The following NTNG2 variants were observed in gnomAD, a reference collection of about 807,000 sequenced individuals.
NTNG2 encodes netrin G2, also known as netrin-G2.
A neutral mutation model predicts 47.6 loss-of-function variants in NTNG2; 15 were observed. The observed-to-expected ratio is 0.32, with a 90% CI of 0.21 to 0.49. The LOEUF is 0.49. Among genes scored for constraint, NTNG2 ranks in the 20% least tolerant of loss-of-function variants. The pLI, the probability that NTNG2 is intolerant of heterozygous loss-of-function variation, is 0.99. For missense variants in NTNG2, 578 were observed against 764.6 expected (o/e 0.76, Z 2.88); for synonymous variants, 307 against 324.6 (o/e 0.95, Z 0.58).
chr9:132,241,579 A>G, intron 7 of NTNG2: 1 of 411,934 alleles, frequency 2.4e-6, no homozygotes. Flanking sequence ...AGGAGGCTCC[A>G]GGCGCGTGGA....
chr9:132,239,641 G>T (rs555561962), intron 6 of NTNG2, among the ~76,000 whole-genome samples: 2 of 116,430 alleles, frequency 1.7e-5, no homozygotes, highest in African/African-American at 3.0e-5. Context: ...GCTGGTGTGT[G>T]GGGGGGTCCC....
At chr9:132,228,864 G>T (rs1460665238) in intron 4 of NTNG2, among the ~76,000 whole-genome samples, 1 of 152,112 alleles carries the variant, frequency 6.6e-6, no homozygotes, top group African/African-American at 2.4e-5. Flanking sequence ...GGCCATGTCT[G>T]GCTTTTTTCT....
intron 2 of NTNG2, among the ~76,000 whole-genome samples, chr9:132,181,686 T>C (rs944393066): frequency 4.6e-5 from 7 of 152,244 alleles, no homozygotes; most frequent in African/African-American, 1.4e-4. Flanking sequence ...GAGTGCCTCA[T>C]GTATACCAAG....
intron 3 of NTNG2, among the ~76,000 whole-genome samples, chr9:132,219,082 T>G (rs137987426): frequency 0.012 from 1,753 of 151,974 alleles, 23 homozygotes; most frequent in Non-Finnish European, 0.017. Flanking sequence ...CCGGGTGTGG[T>G]GGCACACGCC....
rs562378642 is a variant in NTNG2 at position 132,221,445 on chromosome 9, T to A, written c.858-5404T>A. 1.8e-4 allele frequency among the ~76,000 whole-genome samples: 28 copies of A among 152,232 alleles called. No individual in the cohort carries two copies. The highest frequency in any genetic ancestry group is 6.0e-4 in the African/African-American group (25 of 41,528). On this transcript the variant is annotated intron_variant, in intron 3 of 7. Transcript: ENST00000393229. The surrounding 1 kb of genome is among the most constrained non-coding windows in gnomAD (Gnocchi z 4.2). ...GACACAGAGGCAGTACCACCCACAG[T>A]GACCTGCAAAAGTCAGAGAGACCAG...
intron 3 of NTNG2, among the ~76,000 whole-genome samples, chr9:132,203,250 G>T (rs1057150266): frequency 5.3e-5 from 8 of 152,262 alleles, no homozygotes; most frequent in Non-Finnish European, 1.2e-4. Context: ...TGAGGCAGAA[G>T]GATTATTTGA....
Position 132,216,414 on chromosome 9 carries a change from CTGTGTGTGTG to C in NTNG2, c.858-10431_858-10422del, listed in dbSNP as rs1177821281. The stretch of plus-strand genomic sequence containing the variant: ...TCTCTCTCTCTCTCTCTCTCTCTCT[CTGTGTGTGTG>C]TGTATGTGTGTGTGTGTGTGTGTGT... On this transcript the variant is annotated intron_variant, in intron 3 of 7. Transcript: ENST00000393229. Among the ~76,000 whole-genome samples the C allele has an allele frequency of 9.1e-3, 1,008 of 110,180 alleles. 7 individuals carry two copies. Among genetic ancestry groups the C allele is most frequent in the Middle Eastern group, 0.02 (4 of 204 alleles). 72.3% of individuals were successfully genotyped at this position (110,180 alleles called of 152,430 possible).
intron 2 of NTNG2, among the ~76,000 whole-genome samples, chr9:132,174,865 T>C (rs189389777): frequency 1.1e-4 from 16 of 151,056 alleles, no homozygotes; most frequent in Non-Finnish European, 1.8e-4. Context: ...GGGTTTGTAG[T>C]GAACTGAGAT....
intron 2 of NTNG2, among the ~76,000 whole-genome samples, chr9:132,183,985 A>G (rs1222425314): frequency 2.6e-5 from 4 of 152,158 alleles, no homozygotes; most frequent in Non-Finnish European, 5.9e-5. Flanking sequence ...GCCAAATCTA[A>G]GAGCTGCTTC....
Position 132,198,326 on chromosome 9 carries a change from C to T in NTNG2, c.574C>T (p.Arg192Cys), listed in dbSNP as rs765705117. The change falls in exon 3 of 8, where the codon CGC becomes TGC. Residue 192 changes from arginine to cysteine, a missense_variant. Transcript: ENST00000393229. Reference sequence around the variant, plus strand: ...CGACATGTCATCCTCCAGCGCGCACCGCGTGCTCTGCACCGAGGAGTACTC... The same window carrying T: ...CGACATGTCATCCTCCAGCGCGCACTGCGTGCTCTGCACCGAGGAGTACTC... Reference protein sequence around the residue: ...ARDMSSSSAHRVLCTEEYSRW... With the variant: ...ARDMSSSSAHCVLCTEEYSRW... The T allele has an allele frequency of 3.1e-6, 5 of 1,612,640 alleles. No homozygotes were observed. The African/African-American group carries it at 4.0e-5, about 13-fold the overall frequency.
intron 3 of NTNG2, among the ~76,000 whole-genome samples, chr9:132,219,094 G>A (rs1280472513): frequency 6.6e-6 from 1 of 151,726 alleles, no homozygotes; most frequent in African/African-American, 2.4e-5. Flanking sequence ...GCACACGCCT[G>A]TAATCCCAGC....
rs1379256337 is a variant in NTNG2, at chr9:132,221,880, A to T, written c.858-4969A>T. On this transcript the variant is annotated intron_variant, in intron 3 of 7. Coordinates refer to ENST00000393229, the MANE Select transcript of NTNG2 (RefSeq NM_032536.4). This position sits in a 1 kb window ranked among gnomAD's most constrained non-coding sequence, Gnocchi z 4.2. ...GGCCGGTCTTCTATGCATCTTTACT[A>T]AGCCAAGGTCAATGTTATCACCCAA... Among the ~76,000 whole-genome samples, 1 of 152,206 alleles carries T rather than the reference A, an allele frequency of 6.6e-6. No homozygotes were observed. Among genetic ancestry groups the T allele is most frequent in the Admixed American group, 6.5e-5 (1 of 15,282 alleles).
chr9:132,173,344 C>T (rs1564383304), intron 2 of NTNG2, among the ~76,000 whole-genome samples: 1 of 152,140 alleles, frequency 6.6e-6, no homozygotes, highest in African/African-American at 2.4e-5. Flanking sequence ...GACCGAGGCC[C>T]GGGGCCCAGG....
At chr9:132,204,987 G>A (rs1839059637) in intron 3 of NTNG2, among the ~76,000 whole-genome samples, 1 of 152,230 alleles carries the variant, frequency 6.6e-6, no homozygotes, top group African/African-American at 2.4e-5. Flanking sequence ...GTGTTGGCAA[G>A]GATGTGGAAA....
Position 132,242,084 on chromosome 9 carries a change from G to A in NTNG2, c.1566G>A (p.Leu522=), listed in dbSNP as rs1271210100. 61 of 1,184,640 alleles carry A rather than the reference G, an allele frequency of 5.1e-5. No individual in the cohort carries two copies. Among genetic ancestry groups the A allele is most frequent in the Non-Finnish European group, 5.6e-5 (54 of 960,622 alleles). The allele number at this position is 1,184,640 out of a possible 1,614,324, so 73.4% of individuals were successfully genotyped here. The change falls in exon 8 of 8, where the codon CTG becomes CTA. Residue 522 remains leucine (L), a synonymous_variant. Transcript: ENST00000393229. The surrounding 1 kb of genome is among the most constrained non-coding windows in gnomAD (Gnocchi z 5.9). ...PATLLGCLLL[L]GLAARLGR ...CCCTGCTCGGCTGCCTGCTGCTGCT[G>A]GGGCTGGCCGCCCGCCTGGGCCGCT...
intron 5 of NTNG2, chr9:132,238,823 C>A (rs1401847865): frequency 6.0e-6 from 3 of 496,486 alleles, no homozygotes; most frequent in Non-Finnish European, 1.1e-5. Flanking sequence ...CAGGCATTAG[C>A]AGGAGCTGCC....
chr9:132,235,912 T>C (rs1841591898), intron 5 of NTNG2, among the ~76,000 whole-genome samples: 1 of 151,994 alleles, frequency 6.6e-6, no homozygotes, highest in Admixed American at 6.5e-5. Context: ...GGCACAGTGG[T>C]GAGGGAGCGG....
rs936225586 is a variant in NTNG2 at position 132,208,489 on chromosome 9, G to A, written c.857+9880G>A. On this transcript the variant is annotated intron_variant, in intron 3 of 7. Coordinates refer to ENST00000393229, the MANE Select transcript of NTNG2 (RefSeq NM_032536.4). The surrounding 1 kb of genome is among the most constrained non-coding windows in gnomAD (Gnocchi z 4.0). ...GCTGGAGGCCTGCAGGAGACTGGGC[G>A]GGCCCTACCAAGACTGACAGCAGCC... 1.3e-5 allele frequency among the ~76,000 whole-genome samples: 2 copies of A among 152,120 alleles called. No homozygotes were observed. The highest frequency in any genetic ancestry group is 4.8e-5 in the African/African-American group (2 of 41,406).
At chr9:132,177,423 A>C (rs1836551169) in intron 2 of NTNG2, among the ~76,000 whole-genome samples, 1 of 152,176 alleles carries the variant, frequency 6.6e-6, no homozygotes, top group African/African-American at 2.4e-5. Flanking sequence ...AGACTTTTAT[A>C]GTTTTAGCTC....
Sources: gnomAD v4.1 joint callset for allele counts (sites outside exome capture counted in the v4.1 genomes callset) on GRCh38, gnomAD v4.1.1 for gene constraint, Gnocchi (gnomAD v3.1) non-coding constraint, MANE v1.5 for transcripts, NCBI Gene and HGNC (gene_info 2026-07-23, HGNC 2026-07-21) for gene names.